Variants in EPYC observed in about 807,000 individuals in gnomAD.
EPYC encodes dermatan sulfate proteoglycan 3.
Under a neutral mutation model 30.1 loss-of-function variants are expected in EPYC, and 28 were observed. The ratio of observed to expected loss-of-function variants is 0.93; its 90% CI spans 0.69 to 1.28. The LOEUF (loss-of-function observed/expected upper bound fraction) is 1.28. Among genes scored for constraint, EPYC ranks in the 50% most tolerant of loss-of-function variants. The pLI is 0.00. For synonymous variants in EPYC, 144 were observed against 141.4 expected (o/e 1.02, Z -0.13); for missense variants, 382 against 383.5 (o/e 1.00, Z 0.03).
chr12:90,977,994 G>C, intron 3 of EPYC, 94 bp downstream of exon 3: 3 of 1,174,136 alleles, frequency 2.6e-6, no homozygotes, highest in South Asian at 4.8e-5. Flanking sequence ...TTTTTCTTGG[G>C]TCATGTCATG....
At chr12:91,001,575 T>C (rs975371359) in intron 2 of EPYC, among the ~76,000 whole-genome samples, 2 of 152,160 alleles carry the variant, frequency 1.3e-5, no homozygotes, top group African/African-American at 4.8e-5. Context: ...ATCAGATTTA[T>C]GGAATGGGCT....
At chr12:90,985,047 A>G (rs903923078) in intron 2 of EPYC, among the ~76,000 whole-genome samples, 1 of 152,182 alleles carries the variant, frequency 6.6e-6, no homozygotes, top group African/African-American at 2.4e-5. Flanking sequence ...AATGAAAAGA[A>G]TGTGGCTTTA....
At chr12:90,979,921 T>A (rs1475602983) in intron 2 of EPYC, among the ~76,000 whole-genome samples, 1 of 152,194 alleles carries the variant, frequency 6.6e-6, no homozygotes, top group Non-Finnish European at 1.5e-5. Context: ...ATTTAAAGCA[T>A]GAAATCAAAA....
chr12:90,995,304 C>CT (rs1565875957), intron 2 of EPYC, among the ~76,000 whole-genome samples: 2 of 152,204 alleles, frequency 1.3e-5, no homozygotes. Flanking sequence ...CCTTTAAACA[C>CT]TTTGACAGCT....
At chr12:90,989,311 T>C (rs1877527600) in intron 2 of EPYC, among the ~76,000 whole-genome samples, 1 of 152,060 alleles carries the variant, frequency 6.6e-6, no homozygotes, top group South Asian at 2.1e-4. Flanking sequence ...ATCACCAAAT[T>C]TGTGTAAATT....
chr12:90,973,419 GGC>G (rs1468934624), intron 3 of EPYC, among the ~76,000 whole-genome samples: 1 of 152,140 alleles, frequency 6.6e-6, no homozygotes, highest in African/African-American at 2.4e-5. Flanking sequence ...CTATGTAAAT[GGC>G]ACCATGGTAG....
intron 3 of EPYC, among the ~76,000 whole-genome samples, chr12:90,976,651 G>C (rs1733363574): frequency 6.6e-6 from 1 of 151,986 alleles, no homozygotes; most frequent in African/African-American, 2.4e-5. Context: ...AATGTGTTCT[G>C]GACAGACTTT....
At chr12:90,998,187 A>G (rs1433805540) in intron 2 of EPYC, among the ~76,000 whole-genome samples, 3 of 152,108 alleles carry the variant, frequency 2.0e-5, no homozygotes, top group Non-Finnish European at 2.9e-5. Flanking sequence ...CACATAATAA[A>G]TGCTCACTTA....
chr12:91,002,612 A>G, intron 1 of EPYC, 34 bp from the exon 2 acceptor site: 1 of 1,459,292 alleles, frequency 6.9e-7, no homozygotes, highest in Non-Finnish European at 9.4e-7. Flanking sequence ...ATAAATATTT[A>G]ATTGATAACT....
At chr12:90,977,901 G>A (rs1039624272) in intron 3 of EPYC, among the ~76,000 whole-genome samples, 187 bp downstream of exon 3, 4 of 152,074 alleles carry the variant, frequency 2.6e-5, no homozygotes, top group Admixed American at 1.3e-4. Context: ...TTATGAGACC[G>A]AAGCTGAATT....
chr12:90,970,283 G>A (rs1327399850), intron 5 of EPYC, 144 bp from the exon 6 acceptor site: 7 of 618,378 alleles, frequency 1.1e-5, no homozygotes, highest in Non-Finnish European at 1.9e-5. Flanking sequence ...GTTTTGTAAA[G>A]TTGAGGCAGC....
chr12:90,963,929 A>G lies in EPYC; in HGVS notation c.*227T>C, dbSNP rs1378088560. Reference sequence around the variant, plus strand: ...TAAGAACATGTGTGAAATATTTTCTATCACTTAGTTTTGCTCTTTTTGTAA... The same window carrying G: ...TAAGAACATGTGTGAAATATTTTCTGTCACTTAGTTTTGCTCTTTTTGTAA... On this transcript the variant is annotated 3_prime_UTR_variant, in exon 7 of 7. Coordinates refer to ENST00000261172, the MANE Select transcript of EPYC (RefSeq NM_004950.5). 8.6e-6 allele frequency: 3 copies of G among 349,750 alleles called. No individual in the cohort carries two copies. The highest frequency in any genetic ancestry group is 1.0e-5 in the Non-Finnish European group (2 of 193,600). The allele number at this position is 349,750 out of a possible 1,614,324, so 21.7% of individuals were successfully genotyped here. A position where few individuals can be genotyped will look rare whatever the true frequency, so the allele number is the denominator to read the frequency against.
At chr12:90,993,955 A>G (rs1241254956) in intron 2 of EPYC, among the ~76,000 whole-genome samples, 1 of 152,142 alleles carries the variant, frequency 6.6e-6, no homozygotes, top group Non-Finnish European at 1.5e-5. Context: ...CAAGAACATC[A>G]TTTCTCAGCA....
Position 90,964,128 on chromosome 12 carries a change from C to T in EPYC, c.*28G>A. 2.5e-6 allele frequency: 4 copies of T among 1,584,422 alleles called. No homozygotes were observed. Among genetic ancestry groups the T allele is most frequent in the Non-Finnish European group, 3.5e-6 (4 of 1,158,938 alleles). The stretch of plus-strand genomic sequence containing the variant: ...AGTAAGAATGGTTTATTTATAGTAG[C>T]CATCGTAATGCTAACCATTATCTGA... On this transcript the variant is annotated 3_prime_UTR_variant, in exon 7 of 7. Transcript: ENST00000261172.
intron 6 of EPYC, among the ~76,000 whole-genome samples, chr12:90,967,995 A>G (rs1876942187): frequency 6.6e-6 from 1 of 152,246 alleles, no homozygotes; most frequent in East Asian, 1.9e-4. Flanking sequence ...ATTAAAAAAT[A>G]AAAATAAGAA....
intron 2 of EPYC, among the ~76,000 whole-genome samples, chr12:90,979,400 G>T (rs190816034): frequency 6.6e-6 from 1 of 151,864 alleles, no homozygotes; most frequent in Admixed American, 6.6e-5. Flanking sequence ...ATTATTTCTG[G>T]ATTACTTAAT....
In EPYC at chr12:90,971,828, C is replaced by A; in HGVS notation, c.674G>T (p.Arg225Met). Residue 225 changes from arginine (R) to methionine (M), a missense_variant, in exon 5 of 7, where the codon AGG becomes ATG. Arg to Met is a moderately conservative substitution (Grantham distance 91, BLOSUM62 -1). Transcript: ENST00000261172. ...AAATGCTTCTTGCTTTATCCCTTTC[C>A]TTCCAAGTCTATTGTTGCTAATATC... ...FIDISNNRLG[R>M]KGIKQEAFKD... The A allele has an allele frequency of 6.2e-7, 1 of 1,606,666 alleles. No individual in the cohort carries two copies. Among genetic ancestry groups the A allele is most frequent in the Non-Finnish European group, 8.5e-7 (1 of 1,177,184 alleles).
Position 90,978,069 on chromosome 12 carries a change from C to T in EPYC, c.340+19G>A. On this transcript the variant is annotated intron_variant, in intron 3 of 6. Coordinates refer to ENST00000261172, the MANE Select transcript of EPYC (RefSeq NM_004950.5). The stretch of plus-strand genomic sequence containing the variant: ...TGACAAAGTGGACTCAATTGTAATT[C>T]TGCTTTGAGGTACCTGACCTTCATT... The T allele has an allele frequency of 6.5e-7, 1 of 1,528,798 alleles. No individual in the cohort carries two copies. Among genetic ancestry groups the T allele is most frequent in the South Asian group, 1.3e-5 (1 of 77,912 alleles). 94.7% of individuals were successfully genotyped at this position (1,528,798 alleles called of 1,614,324 possible).
intron 6 of EPYC, among the ~76,000 whole-genome samples, chr12:90,966,799 A>T (rs940851806): frequency 6.6e-6 from 1 of 152,132 alleles, no homozygotes; most frequent in African/African-American, 2.4e-5. Flanking sequence ...TTAAATTGCT[A>T]AGTTAATATA....
Sources: gnomAD v4.1 joint callset for allele counts (sites outside exome capture counted in the v4.1 genomes callset) on GRCh38, gnomAD v4.1.1 for gene constraint, MANE v1.5 for transcripts, NCBI Gene and HGNC (gene_info 2026-07-23, HGNC 2026-07-21) for gene names.